Variants in GPR160 observed in about 807,000 individuals in gnomAD.
GPR160 encodes G protein-coupled receptor 160.
Under a neutral mutation model 2.6 loss-of-function variants are expected in GPR160, and 2 were observed. The ratio of observed to expected loss-of-function variants is 0.77; its 90% CI spans 0.32 to 2.44. GPR160 has a LOEUF of 2.44. Ranked by LOEUF, GPR160 falls within the 30% of genes most tolerant of loss-of-function variation. The pLI, the probability that GPR160 is intolerant of heterozygous loss-of-function variation, is 0.11. For missense variants in GPR160, 351 were observed against 383.6 expected, an observed-to-expected ratio of 0.91 and a Z score of 0.71; for synonymous variants, 130 against 132.2, an observed-to-expected ratio of 0.98 and a Z score of 0.12.
intron 2 of GPR160, among the ~76,000 whole-genome samples, chr3:170,074,705 A>G (rs1576911842): frequency 6.7e-6 from 1 of 149,662 alleles, no homozygotes; most frequent in African/African-American, 2.5e-5. Context: ...CTGGTCTCAA[A>G]CTCCTGGGAT....
intron 2 of GPR160, among the ~76,000 whole-genome samples, chr3:170,043,413 C>T (rs568616805): frequency 1.3e-5 from 2 of 152,040 alleles, no homozygotes; most frequent in East Asian, 3.9e-4. Context: ...GAACTCTCGA[C>T]CTCAGGTGAT....
intron 2 of GPR160, among the ~76,000 whole-genome samples, chr3:170,044,614 G>A (rs547943432): frequency 1.3e-5 from 2 of 152,180 alleles, no homozygotes; most frequent in South Asian, 2.1e-4. Context: ...GCACCTTGGC[G>A]GTTCCCCAGG....
intron 2 of GPR160, chr3:170,077,971 G>A (rs1351177054): frequency 6.5e-6 from 1 of 154,398 alleles, no homozygotes; most frequent in East Asian, 1.9e-4. Context: ...GAGCCCTCTT[G>A]GGATTTCCAA....
rs768660597 is a variant in GPR160 at position 170,066,130 on chromosome 3, C to CTTTTTTTTTTTTTTTTT, written c.-192-13632_-192-13616dup. On this transcript the variant is annotated intron_variant, in intron 2 of 3. Coordinates refer to ENST00000355897, the MANE Select transcript of GPR160 (RefSeq NM_014373.3). ...ACTTGACACTATTCTTTTTCTTTTTCTTTTTTTTTTTTTTTTTTTTTTTTT... is the reference window on the plus strand; with the variant it reads ...ACTTGACACTATTCTTTTTCTTTTTCTTTTTTTTTTTTTTTTTTTTTTTTTTTTTTTTTTTTTTTTTT... Among the ~76,000 whole-genome samples the CTTTTTTTTTTTTTTTTT allele has an allele frequency of 2.5e-3, 212 of 85,214 alleles. 6 individuals carry two copies. Among genetic ancestry groups the CTTTTTTTTTTTTTTTTT allele is most frequent in the Non-Finnish European group, 2.8e-3 (134 of 47,358 alleles). The allele number at this position is 85,214 out of a possible 152,430, so 55.9% of individuals were successfully genotyped here.
chr3:170,042,338 T>C (rs1050059456), intron 2 of GPR160, among the ~76,000 whole-genome samples: 1 of 151,110 alleles, frequency 6.6e-6, no homozygotes, highest in South Asian at 2.1e-4. Context: ...GGAGGATTGC[T>C]TGAGCCTGGG....
chr3:170,077,133 C>T (rs1712893816), intron 2 of GPR160: 2 of 152,240 alleles, frequency 1.3e-5, no homozygotes, highest in African/African-American at 4.8e-5. Context: ...GCTTGCTCCA[C>T]TTATCGGGCT....
intron 2 of GPR160, among the ~76,000 whole-genome samples, chr3:170,042,433 A>G (rs532344285): frequency 5.3e-5 from 8 of 150,978 alleles, no homozygotes; most frequent in South Asian, 2.1e-4. Context: ...AAAAAAAAAA[A>G]AAAGAAAGAA....
intron 2 of GPR160, among the ~76,000 whole-genome samples, chr3:170,054,916 C>G (rs1711552709): frequency 6.6e-6 from 1 of 152,006 alleles, no homozygotes; most frequent in South Asian, 2.1e-4. Context: ...GCCTCAGCCT[C>G]CCTAGTAGCT....
Position 170,084,943 on chromosome 3 carries a change from C to G in GPR160, c.971C>G (p.Pro324Arg). The G allele has an allele frequency of 6.3e-7, 1 of 1,587,398 alleles. No homozygotes were observed. The highest frequency in any genetic ancestry group is 8.6e-7 in the Non-Finnish European group (1 of 1,167,056). The change falls in exon 4 of 4, where the codon CCT (proline) becomes CGT (arginine). Residue 324 changes from proline (P) to arginine (R), a missense_variant. Physicochemically the swap from Pro to Arg is moderately radical, Grantham distance 103. Transcript: ENST00000355897. ...WKCCFIPLTI[P>R]NLEQIEKPIS... ...TGCTGCTTCATTCCACTTACAATTC[C>G]TAATCTTGAGCAAATTGAAAAGCCT... is the stretch of plus-strand genomic sequence containing the variant.
chr3:170,062,208 G>A (rs765849831), intron 2 of GPR160: 6 of 172,104 alleles, frequency 3.5e-5, no homozygotes, highest in Non-Finnish European at 7.3e-5. Flanking sequence ...ACAGCTCTGC[G>A]CTCTGAGCGC....
chr3:170,062,261 G>A (rs563687426), intron 2 of GPR160: 105 of 195,366 alleles, frequency 5.4e-4, no homozygotes, highest in African/African-American at 2.4e-3. Flanking sequence ...AGATGTCCAA[G>A]TCCCGTGCGG....
intron 2 of GPR160, among the ~76,000 whole-genome samples, chr3:170,054,830 G>A (rs542628339): frequency 6.8e-6 from 1 of 146,014 alleles, no homozygotes; most frequent in South Asian, 2.2e-4. Context: ...GTCTTGCTCT[G>A]TCACCCGGGG....
chr3:170,072,480 T>C (rs1383651084), intron 2 of GPR160, among the ~76,000 whole-genome samples: 1 of 152,182 alleles, frequency 6.6e-6, no homozygotes, highest in Non-Finnish European at 1.5e-5. Context: ...TTATAAAGCA[T>C]ACCTGAGACT....
chr3:170,084,026 A>G lies in GPR160; in HGVS notation c.54A>G (p.Thr18=). 1 of 1,562,448 alleles carries G rather than the reference A, an allele frequency of 6.4e-7. No individual in the cohort carries two copies. The highest frequency in any genetic ancestry group is 1.2e-5 in the South Asian group (1 of 81,504). The change falls in exon 4 of 4, where the codon ACA becomes ACG. Residue 18 remains threonine (T), a synonymous_variant. Transcript: ENST00000355897. ...NCSFQYQLRQ[T]NQPLDVNYLL... ...CTTTTCAGTACCAGTTACGTCAAAC[A>G]AACCAGCCCCTAGATGTTAACTATC...
At chr3:170,079,677 AT>A (rs1398413947) in intron 2 of GPR160, 96 bp from the exon 3 acceptor site, 1 of 152,064 alleles carries the variant, frequency 6.6e-6, no homozygotes, top group Non-Finnish European at 1.5e-5. Context: ...AAAAGCTACA[AT>A]TTTTCTAAGC....
At chr3:170,071,089 T>TATA (rs1712565153) in intron 2 of GPR160, among the ~76,000 whole-genome samples, 1 of 115,340 alleles carries the variant, frequency 8.7e-6, no homozygotes, top group Middle Eastern at 4.3e-3. Flanking sequence ...GTGAATCCCA[T>TATA]ATAATTGAAC....
chr3:170,038,107 CCAG>C lies in GPR160; in HGVS notation c.-429_-427del, dbSNP rs1716268383. On this transcript the variant is annotated 5_prime_UTR_variant, in exon 1 of 4. Coordinates refer to ENST00000355897, the MANE Select transcript of GPR160 (RefSeq NM_014373.3). This position sits in a 1 kb window ranked among gnomAD's most constrained non-coding sequence, Gnocchi z 5.3. ...CGGGGCGGGGCGGGGCGGGGCGGGACCAGGCGGGCGAGCTGGGCCCTCGCCCCT... is the reference window on the plus strand; with the variant it reads ...CGGGGCGGGGCGGGGCGGGGCGGGACGCGGGCGAGCTGGGCCCTCGCCCCT... 1 of 152,642 alleles carries C rather than the reference CCAG, an allele frequency of 6.6e-6. No individual in the cohort carries two copies. The highest frequency in any genetic ancestry group is 1.8e-4 in the South Asian group (1 of 5,544). The allele number at this position is 152,642 out of a possible 1,614,324, so 9.5% of individuals were successfully genotyped here.
At chr3:170,077,606 CG>C (rs1411671039) in intron 2 of GPR160, 2 of 152,122 alleles carry the variant, frequency 1.3e-5, no homozygotes, top group Non-Finnish European at 2.9e-5. Context: ...TGTCCAGAAA[CG>C]ACTTTTGATC....
At chr3:170,045,084 A>G (rs2108309265) in intron 2 of GPR160, among the ~76,000 whole-genome samples, 1 of 151,886 alleles carries the variant, frequency 6.6e-6, no homozygotes, top group East Asian at 1.9e-4. Flanking sequence ...TTTTCTTCCC[A>G]TGTACGTGTG....
Sources: allele counts gnomAD v4.1 joint callset (sites outside exome capture counted in the v4.1 genomes callset), GRCh38; gene constraint gnomAD v4.1.1; non-coding constraint Gnocchi (gnomAD v3.1); transcripts MANE v1.5; gene names NCBI Gene and HGNC (gene_info 2026-07-23, HGNC 2026-07-21).